Variants in TRPM1 observed in about 807,000 individuals in gnomAD.
TRPM1 encodes the protein transient receptor potential cation channel subfamily M member 1.
A neutral mutation model predicts 149.4 loss-of-function variants in TRPM1; 113 were observed. That is an observed-to-expected ratio of 0.76 (90% CI 0.65 to 0.88). TRPM1 has a LOEUF of 0.88. Among genes scored for constraint, TRPM1 ranks in the 40% least tolerant of loss-of-function variants. TRPM1 has a pLI of 0.00. For missense variants in TRPM1, 1,976 were observed against 2,038.7 expected (o/e 0.97, Z 0.59); for synonymous variants, 741 against 759.5 (o/e 0.98, Z 0.40).
chr15:31,082,117 A>T (rs914029569), intron 1 of TRPM1, among the ~76,000 whole-genome samples: 3 of 152,200 alleles, frequency 2.0e-5, no homozygotes, highest in African/African-American at 7.2e-5. Context: ...TGCAGGTGCC[A>T]CCTGTCCTTG....
chr15:31,088,887 G>T (rs963413489), intron 1 of TRPM1, among the ~76,000 whole-genome samples: 1 of 152,122 alleles, frequency 6.6e-6, no homozygotes, highest in Non-Finnish European at 1.5e-5. Context: ...CCCCCGAGCG[G>T]GAGATCAGTG....
chr15:31,020,176 G>C (rs1339823660), intron 27 of TRPM1, among the ~76,000 whole-genome samples: 1 of 152,232 alleles, frequency 6.6e-6, no homozygotes, highest in African/African-American at 2.4e-5. Context: ...GCCAGATTCT[G>C]TGGTTGGCCA....
intron 5 of TRPM1, 98 bp from the exon 6 acceptor site, chr15:31,067,285 C>T: frequency 6.4e-7 from 1 of 1,555,660 alleles, no homozygotes; most frequent in South Asian, 1.1e-5. Flanking sequence ...CCTACATTCC[C>T]TACAGATCAG....
At chr15:31,060,431 C>A in intron 11 of TRPM1, 113 bp downstream of exon 11, 1 of 873,926 alleles carries the variant, frequency 1.1e-6, no homozygotes, top group Non-Finnish European at 1.9e-6. Context: ...CATATCATAT[C>A]ATCAGAAACC....
chr15:31,111,724 G>C (rs188745494), intron 1 of TRPM1, among the ~76,000 whole-genome samples: 1 of 152,244 alleles, frequency 6.6e-6, no homozygotes, highest in South Asian at 2.1e-4. Flanking sequence ...GGCGCCCAGG[G>C]CGTTATTTCT....
chr15:31,037,076 A>T (rs2959042), intron 20 of TRPM1, among the ~76,000 whole-genome samples: 1 of 152,142 alleles, frequency 6.6e-6, no homozygotes, highest in African/African-American at 2.4e-5. Flanking sequence ...GGCCACCCCC[A>T]CTGGGACCGC....
intron 16 of TRPM1, among the ~76,000 whole-genome samples, chr15:31,042,650 G>C (rs1033835506): frequency 6.6e-6 from 1 of 152,144 alleles, no homozygotes; most frequent in Non-Finnish European, 1.5e-5. Context: ...AATAACACTC[G>C]TTTGCCAGAC....
At chr15:31,113,634 AAATTATTTT>A (rs1341604748) in intron 1 of TRPM1, among the ~76,000 whole-genome samples, 19 of 152,126 alleles carry the variant, frequency 1.2e-4, no homozygotes, top group Non-Finnish European at 2.5e-4. Context: ...TTTACTGTAC[AAATTATTTT>A]ATCAACTAGT....
At chr15:31,051,106 G>A (rs1305318701) in intron 11 of TRPM1, among the ~76,000 whole-genome samples, 2 of 152,080 alleles carry the variant, frequency 1.3e-5, no homozygotes, top group Non-Finnish European at 2.9e-5. Context: ...GAAGCTCTCC[G>A]CATGTCACTG....
intron 27 of TRPM1, among the ~76,000 whole-genome samples, chr15:31,008,341 A>G (rs1221570694): frequency 1.3e-5 from 2 of 152,226 alleles, no homozygotes; most frequent in South Asian, 2.1e-4. Context: ...TTGTCAGATT[A>G]AGGAGGTTCT....
At chr15:31,147,590 T>C (rs2036238296) in intron 1 of TRPM1, among the ~76,000 whole-genome samples, 1 of 152,204 alleles carries the variant, frequency 6.6e-6, no homozygotes, top group Admixed American at 6.5e-5. Context: ...GTGGCTCTTG[T>C]TCATCACTCC....
chr15:31,125,586 C>T (rs1310807405), intron 1 of TRPM1, among the ~76,000 whole-genome samples: 6 of 148,606 alleles, frequency 4.0e-5, no homozygotes, highest in Non-Finnish European at 8.9e-5. Flanking sequence ...AAAAATTAGC[C>T]GGGCGTAGTG....
At chr15:31,003,833 A>G (rs74012716) in intron 27 of TRPM1, among the ~76,000 whole-genome samples, 3,028 of 151,946 alleles carry the variant, frequency 0.02, 97 homozygotes, top group African/African-American at 0.069. Flanking sequence ...AGAGCATGGG[A>G]GATTATAAAT....
At chr15:31,059,340 C>G (rs1206720205) in intron 11 of TRPM1, among the ~76,000 whole-genome samples, 2 of 152,148 alleles carry the variant, frequency 1.3e-5, no homozygotes, top group Non-Finnish European at 2.9e-5. Flanking sequence ...AACACAGAGG[C>G]AGTTAAGTAA....
intron 1 of TRPM1, among the ~76,000 whole-genome samples, chr15:31,142,931 G>A (rs2036178845): frequency 6.6e-6 from 1 of 152,172 alleles, no homozygotes. Flanking sequence ...GTGTTATCAA[G>A]TCATAATGTC....
intron 1 of TRPM1, among the ~76,000 whole-genome samples, chr15:31,156,195 C>CAAAAAAAA (rs35981768): frequency 2.7e-5 from 1 of 36,636 alleles, no homozygotes; most frequent in African/African-American, 1.0e-4. Flanking sequence ...AGACCTCTGT[C>CAAAAAAAA]AAAAAAAAAA....
chr15:31,106,277 T>A (rs192390923), upstream of TRPM1, among the ~76,000 whole-genome samples: 7 of 151,964 alleles, frequency 4.6e-5, no homozygotes, highest in East Asian at 1.2e-3. Context: ...TAGCTGGGAC[T>A]ACAGGTACGT....
chr15:31,050,283 A>T, intron 12 of TRPM1, 126 bp downstream of exon 12: 2 of 1,358,800 alleles, frequency 1.5e-6, no homozygotes, highest in East Asian at 4.6e-5. Context: ...GACACTACCC[A>T]GTCAAGCCTT....
chr15:31,044,904 A>G (rs1044926176), intron 16 of TRPM1, among the ~76,000 whole-genome samples: 1 of 152,166 alleles, frequency 6.6e-6, no homozygotes, highest in Non-Finnish European at 1.5e-5. Flanking sequence ...GTCTAGATGA[A>G]ATAAGTCATT....
Sources: gnomAD v4.1 joint callset for allele counts (sites outside exome capture counted in the v4.1 genomes callset) on GRCh38, gnomAD v4.1.1 for gene constraint, MANE v1.5 for transcripts, NCBI Gene and HGNC (gene_info 2026-07-23, HGNC 2026-07-21) for gene names.